PLXDC2: variants seen among roughly 807,000 people sequenced by gnomAD.
The protein encoded by PLXDC2 is plexin domain containing 2.
In PLXDC2, 40 loss-of-function variants were observed where a neutral mutation model predicts 68.9. The observed-to-expected ratio is 0.58, with a 90% CI of 0.45 to 0.76. The LOEUF is 0.76. Among genes scored for constraint, PLXDC2 ranks in the 30% least tolerant of loss-of-function variants. The probability of loss-of-function intolerance (pLI) is 0.00; values close to 1 mark genes in which losing one functional copy is unlikely to be tolerated. For synonymous variants in PLXDC2, 243 were observed against 234.2 expected, an observed-to-expected ratio of 1.04 and a Z score of -0.34; for missense variants, 644 against 661.9, an observed-to-expected ratio of 0.97 and a Z score of 0.30.
chr10:20,040,893 G>A (rs1835670859), intron 2 of PLXDC2, among the ~76,000 whole-genome samples: 1 of 152,088 alleles, frequency 6.6e-6, no homozygotes, highest in African/African-American at 2.4e-5. Context: ...TTAAAATTTT[G>A]AGTTTACTAT....
chr10:19,850,706 G>A (rs1589500092), intron 1 of PLXDC2, among the ~76,000 whole-genome samples: 1 of 152,036 alleles, frequency 6.6e-6, no homozygotes, highest in South Asian at 2.1e-4. Context: ...AAAATATCCT[G>A]TACACTGCAC....
intron 4 of PLXDC2, among the ~76,000 whole-genome samples, chr10:20,114,967 C>G (rs1212771285): frequency 9.2e-5 from 14 of 152,212 alleles, no homozygotes; most frequent in Admixed American, 9.2e-4. Context: ...ACTGACCCGT[C>G]TATCCTTAAA....
At chr10:20,020,534 A>G (rs1835290402) in intron 2 of PLXDC2, among the ~76,000 whole-genome samples, 1 of 150,116 alleles carries the variant, frequency 6.7e-6, no homozygotes, top group Non-Finnish European at 1.5e-5. Context: ...CCACCTGTAT[A>G]TATGTATCTC....
intron 1 of PLXDC2, among the ~76,000 whole-genome samples, chr10:19,859,886 C>T (rs895431927): frequency 1.3e-5 from 2 of 152,026 alleles, no homozygotes; most frequent in African/African-American, 2.4e-5. Flanking sequence ...TGCGCTCCAC[C>T]GTGCCCAGCT....
intron 2 of PLXDC2, among the ~76,000 whole-genome samples, chr10:20,031,125 T>C (rs1294787634): frequency 6.6e-6 from 1 of 152,068 alleles, no homozygotes; most frequent in African/African-American, 2.4e-5. Flanking sequence ...CCCAGCACTT[T>C]GAGAGGCTGA....
intron 2 of PLXDC2, among the ~76,000 whole-genome samples, chr10:20,003,534 G>A (rs898430561): frequency 6.6e-6 from 1 of 152,098 alleles, no homozygotes; most frequent in Non-Finnish European, 1.5e-5. Flanking sequence ...CTGGATTCAA[G>A]CCATTCTCCT....
intron 1 of PLXDC2, among the ~76,000 whole-genome samples, chr10:19,947,706 TC>T (rs1833926226): frequency 2.7e-5 from 3 of 111,488 alleles, no homozygotes; most frequent in Non-Finnish European, 3.8e-5. Context: ...TTTCTTTCTT[TC>T]TTTTTTTTTT....
Position 20,211,657 on chromosome 10 carries a change from T to A in PLXDC2, c.1062-12T>A. The A allele has an allele frequency of 6.2e-7, 1 of 1,612,906 alleles. No homozygotes were observed. Among genetic ancestry groups the A allele is most frequent in the Non-Finnish European group, 8.5e-7 (1 of 1,179,226 alleles). On this transcript the variant is annotated splice_polypyrimidine_tract_variant and intron_variant, in intron 9 of 13. Transcript: ENST00000377252. Reference sequence around the variant, plus strand: ...CTTCCTTTTCTGAACTGCATTGTGGTCTTCTTTGAAGATGTTCCAGTGGAT... The same window carrying A: ...CTTCCTTTTCTGAACTGCATTGTGGACTTCTTTGAAGATGTTCCAGTGGAT...
At chr10:19,929,393 T>C (rs1426432186) in intron 1 of PLXDC2, among the ~76,000 whole-genome samples, 1 of 152,148 alleles carries the variant, frequency 6.6e-6, no homozygotes, top group Non-Finnish European at 1.5e-5. Flanking sequence ...ATTTCCTTTC[T>C]GCACGTGGAG....
intron 1 of PLXDC2, among the ~76,000 whole-genome samples, chr10:19,887,090 A>T (rs1837860647): frequency 6.6e-6 from 1 of 152,062 alleles, no homozygotes; most frequent in Admixed American, 6.6e-5. Flanking sequence ...TACTTTGAAA[A>T]CCACTAGTTA....
chr10:20,217,564 C>G lies in PLXDC2; in HGVS notation c.1261C>G (p.Leu421Val). 4 of 1,606,462 alleles carry G rather than the reference C, an allele frequency of 2.5e-6. No individual in the cohort carries two copies. Among genetic ancestry groups the G allele is most frequent in the Non-Finnish European group, 2.6e-6 (3 of 1,176,402 alleles). The change falls in exon 11 of 14, where the codon CTC becomes GTC. Residue 421 changes from leucine to valine, a missense_variant. Physicochemically the swap from Leu to Val is conservative, Grantham distance 32. This residue lies in a region of PLXDC2 where 330 missense variants were observed against 327.9 expected (regional missense o/e 1.01). Coordinates refer to ENST00000377252, the MANE Select transcript of PLXDC2 (RefSeq NM_032812.9). ...RAVTSQFPTS[L>V]PTEDDTKIAL... ...AGTGACTTCTCAGTTTCCCACCAGC[C>G]TCCCTACAGAAGGTACCCAAGAGAT... is the stretch of plus-strand genomic sequence containing the variant.
chr10:19,846,362 TG>T (rs1187908392), intron 1 of PLXDC2, among the ~76,000 whole-genome samples: 1 of 152,044 alleles, frequency 6.6e-6, no homozygotes, highest in East Asian at 1.9e-4. Context: ...AAAGAGAAAA[TG>T]GGGGCTTTAT....
chr10:19,998,118 G>A (rs2131634683), intron 1 of PLXDC2, among the ~76,000 whole-genome samples: 2 of 152,240 alleles, frequency 1.3e-5, no homozygotes, highest in Non-Finnish European at 2.9e-5. Flanking sequence ...ACTATTCAAA[G>A]ATCCCTGCTG....
chr10:20,011,916 T>C (rs1835121001), intron 2 of PLXDC2, among the ~76,000 whole-genome samples: 1 of 152,182 alleles, frequency 6.6e-6, no homozygotes, highest in African/African-American at 2.4e-5. Flanking sequence ...ATCATACAAA[T>C]TAATGTGTAC....
intron 1 of PLXDC2, among the ~76,000 whole-genome samples, chr10:19,972,189 A>G (rs1834366170): frequency 6.6e-6 from 1 of 152,192 alleles, no homozygotes; most frequent in Non-Finnish European, 1.5e-5. Flanking sequence ...CTATCAAGAT[A>G]TATCTGGCTG....
chr10:20,039,385 A>G (rs565402726), intron 2 of PLXDC2, among the ~76,000 whole-genome samples: 223 of 152,348 alleles, frequency 1.5e-3, no homozygotes, highest in Non-Finnish European at 2.4e-3. Context: ...ATTAGTAAAA[A>G]AAATTGCACT....
intron 2 of PLXDC2, among the ~76,000 whole-genome samples, chr10:20,032,566 T>G (rs1835517239): frequency 6.6e-6 from 1 of 152,128 alleles, no homozygotes; most frequent in Non-Finnish European, 1.5e-5. Context: ...ACAGAAGGTC[T>G]GATAAGTAGC....
In PLXDC2 at chr10:19,845,891, C is replaced by G. The variant is rs533684146; in HGVS notation, c.112+28700C>G. On this transcript the variant is annotated intron_variant, in intron 1 of 13. Transcript: ENST00000377252. ...AGTAATGGTAAATTGGCATGCCATACTAGTGGGCCTGATTTAAAGCTGTTT... is the reference window on the plus strand; with the variant it reads ...AGTAATGGTAAATTGGCATGCCATAGTAGTGGGCCTGATTTAAAGCTGTTT... Among the ~76,000 whole-genome samples the G allele has an allele frequency of 6.6e-5, 10 of 152,222 alleles. No homozygotes were observed. In the South Asian group the frequency reaches 1.5e-3, roughly 22 times the overall value.
chr10:20,048,206 T>G (rs1414506321), intron 3 of PLXDC2, among the ~76,000 whole-genome samples: 1 of 152,132 alleles, frequency 6.6e-6, no homozygotes, highest in East Asian at 1.9e-4. Context: ...TCTTCCTTGT[T>G]TATATGTAGA....
Sources: gnomAD v4.1 joint callset for allele counts (sites outside exome capture counted in the v4.1 genomes callset) on GRCh38, gnomAD v4.1.1 for gene constraint, gnomAD v4.1.1 regional missense constraint, MANE v1.5 for transcripts, NCBI Gene and HGNC (gene_info 2026-07-23, HGNC 2026-07-21) for gene names.